Variants in TMEM245 observed in about 807,000 individuals in gnomAD.
The protein encoded by TMEM245 is protein CG-2.
Under a neutral mutation model 101.2 loss-of-function variants are expected in TMEM245, and 69 were observed. The ratio of observed to expected loss-of-function variants is 0.68; its 90% CI spans 0.56 to 0.83. TMEM245 has a LOEUF of 0.83. Among genes scored for constraint, TMEM245 ranks in the 40% least tolerant of loss-of-function variants. The probability of loss-of-function intolerance (pLI) is 0.00; values close to 1 mark genes in which losing one functional copy is unlikely to be tolerated. For synonymous variants in TMEM245, 537 were observed against 449.8 expected (o/e 1.19, Z -2.45); for missense variants, 1,075 against 1,092.8 (o/e 0.98, Z 0.23).
Position 109,015,526 on chromosome 9 carries a change from A to G in TMEM245, c.*4934T>C, listed in dbSNP as rs1046442760. The G allele has an allele frequency of 6.6e-6, 1 of 152,616 alleles. No individual in the cohort carries two copies. The allele number at this position is 152,616 out of a possible 1,614,324, so 9.5% of individuals were successfully genotyped here. ...GGGTCTCTGCAATAAAAAATAAATG[A>G]TATTTGATAATAAGCCAAAATTATC... is the stretch of plus-strand genomic sequence containing the variant. On this transcript the variant is annotated 3_prime_UTR_variant, in exon 18 of 18. Transcript: ENST00000374586.
chr9:109,085,878 T>C (rs1829818168), intron 7 of TMEM245, 119 bp downstream of exon 7: 1 of 1,133,760 alleles, frequency 8.8e-7, no homozygotes, highest in Non-Finnish European at 1.3e-6. Flanking sequence ...TAGCTTATAA[T>C]TAAAACTTTG....
In TMEM245 at chr9:109,079,901, T is replaced by C. The variant is rs143766808; in HGVS notation, c.1449+938A>G. The stretch of plus-strand genomic sequence containing the variant: ...CACAGTATATATACGTGACTATACA[T>C]AATTAATATCCAAAGAACAGATAGG... On this transcript the variant is annotated intron_variant, in intron 8 of 17. Coordinates refer to ENST00000374586, the MANE Select transcript of TMEM245 (RefSeq NM_032012.4). 4.7e-3 allele frequency among the ~76,000 whole-genome samples: 720 copies of C among 152,154 alleles called. 8 individuals are homozygous for C. The highest frequency in any genetic ancestry group is 0.017 in the African/African-American group (688 of 41,526).
intron 14 of TMEM245, among the ~76,000 whole-genome samples, chr9:109,048,488 A>G (rs1828568916): frequency 6.6e-6 from 1 of 152,214 alleles, no homozygotes; most frequent in South Asian, 2.1e-4. Flanking sequence ...AATATTTATT[A>G]AAAGTATGTG....
chr9:109,057,138 TAC>T, intron 12 of TMEM245, 51 bp downstream of exon 12: 12 of 1,585,112 alleles, frequency 7.6e-6, no homozygotes, highest in Admixed American at 1.7e-5. Context: ...AACTTGGAAT[TAC>T]AGTTTGTTTT....
intron 9 of TMEM245, among the ~76,000 whole-genome samples, chr9:109,068,911 T>C (rs557537426): frequency 5.9e-5 from 9 of 152,254 alleles, no homozygotes; most frequent in African/African-American, 2.2e-4. Flanking sequence ...AGGGGTGGCA[T>C]GAGGAAGCCT....
At chr9:109,096,431 C>T (rs1402633645) in intron 3 of TMEM245, among the ~76,000 whole-genome samples, 2 of 152,164 alleles carry the variant, frequency 1.3e-5, no homozygotes, top group Admixed American at 6.5e-5. Flanking sequence ...GAGCCGAGAT[C>T]GTATTATTGA....
chr9:109,059,128 A>C (rs1256726204), intron 11 of TMEM245, among the ~76,000 whole-genome samples: 1 of 152,202 alleles, frequency 6.6e-6, no homozygotes, highest in East Asian at 1.9e-4. Context: ...AGAGTTAGCA[A>C]AAGAAATAGA....
At position 109,048,840 on chromosome 9, in the gene TMEM245, A is replaced by G. The variant is rs574929210; in HGVS notation, c.2123+1443T>C. Among the ~76,000 whole-genome samples the G allele has an allele frequency of 6.9e-4, 105 of 152,362 alleles. 1 individual carries two copies. The South Asian group carries it at 8.9e-3, about 13-fold the overall frequency. ...CAAAGCCTGTAAATACATGGATGCC[A>G]GAAGTCATAACGAAAAAGTTTCTGG... On this transcript the variant is annotated intron_variant, in intron 14 of 17. Coordinates refer to ENST00000374586, the MANE Select transcript of TMEM245 (RefSeq NM_032012.4).
rs1829649871 is a variant in TMEM245 at position 109,080,914 on chromosome 9, A to G, written c.1374T>C (p.Asp458=). The G allele has an allele frequency of 6.2e-7, 1 of 1,608,972 alleles. No homozygotes were observed. Among genetic ancestry groups the G allele is most frequent in the Non-Finnish European group, 8.5e-7 (1 of 1,176,198 alleles). The part of the protein sequence containing the change: ...KMIIWLEKML[D]KIISIFIIFL... ...ATATGATGAAAATGCTAATTATTTT[A>G]TCTAACATCTTCTCCAACCAGATGA... Residue 458 remains aspartate, a synonymous_variant, in exon 8 of 18, where the codon GAT becomes GAC. Transcript: ENST00000374586.
intron 1 of TMEM245, among the ~76,000 whole-genome samples, chr9:109,118,559 G>A (rs892423741): frequency 3.3e-5 from 5 of 152,192 alleles, no homozygotes; most frequent in African/African-American, 4.8e-5. Flanking sequence ...AAGCTCCCTG[G>A]TTTTGTAAGA....
At chr9:109,023,533 C>T (rs1177774139) in intron 17 of TMEM245, among the ~76,000 whole-genome samples, 2 of 152,068 alleles carry the variant, frequency 1.3e-5, no homozygotes, top group East Asian at 1.9e-4. Flanking sequence ...TAGAATTTCT[C>T]GTCTAAGAAT....
chr9:109,074,844 T>C (rs1439766358), intron 8 of TMEM245, among the ~76,000 whole-genome samples: 2 of 152,042 alleles, frequency 1.3e-5, no homozygotes, highest in Non-Finnish European at 2.9e-5. Context: ...GAACACAAAA[T>C]ACAAACTGCA....
intron 3 of TMEM245, among the ~76,000 whole-genome samples, chr9:109,095,456 G>A (rs769173647): frequency 6.6e-6 from 1 of 152,176 alleles, no homozygotes; most frequent in Non-Finnish European, 1.5e-5. Flanking sequence ...GCTGTGAGAA[G>A]AACCCGGCAT....
chr9:109,097,801 A>G (rs1830180104), intron 3 of TMEM245, among the ~76,000 whole-genome samples: 1 of 152,096 alleles, frequency 6.6e-6, no homozygotes, highest in African/African-American at 2.4e-5. Flanking sequence ...CATGCTTGTA[A>G]TCCCAGCTAC....
In TMEM245 at chr9:109,080,868, G is replaced by T; in HGVS notation, c.1420C>A (p.Leu474Ile). 6.2e-7 allele frequency: 1 copy of T among 1,606,332 alleles called. No homozygotes were observed. Among genetic ancestry groups the T allele is most frequent in the Non-Finnish European group, 8.5e-7 (1 of 1,173,638 alleles). ...GCAGTCAGGAGTAGGGCTAAAAGAA[G>T]AGTTCCTATCACTAACAAAAATATG... ...FIIFLLVIGT[L>I]LLALLLTAKV... The change falls in exon 8 of 18, where the codon CTT (leucine) becomes ATT (isoleucine). Residue 474 changes from leucine (L) to isoleucine (I), a missense_variant. Physicochemically the swap from Leu to Ile is conservative, Grantham distance 5. Transcript: ENST00000374586.
intron 12 of TMEM245, among the ~76,000 whole-genome samples, chr9:109,055,413 C>T (rs2132410989): frequency 6.6e-6 from 1 of 152,272 alleles, no homozygotes; most frequent in East Asian, 1.9e-4. Flanking sequence ...TAGTGTTGCA[C>T]TCTTAAAAAG....
At position 109,080,756 on chromosome 9, in the gene TMEM245, GCC is replaced by G. The variant is rs148652343; in HGVS notation, c.1449+81_1449+82del. 7,099 of 813,782 alleles carry G rather than the reference GCC, an allele frequency of 8.7e-3. 391 individuals are homozygous for G. In the African/African-American group the frequency reaches 0.11, roughly 13 times the overall value. The allele number at this position is 813,782 out of a possible 1,614,324, so 50.4% of individuals were successfully genotyped here. On this transcript the variant is annotated intron_variant, in intron 8 of 17. Coordinates refer to ENST00000374586, the MANE Select transcript of TMEM245 (RefSeq NM_032012.4). ...TTTAAATCAAGTTAACATTTTCCAT[GCC>G]CCTTCTGCTAGCTTTTAATCCAGAC...
intron 1 of TMEM245, among the ~76,000 whole-genome samples, chr9:109,112,106 G>A (rs1419834479): frequency 6.6e-6 from 1 of 151,962 alleles, no homozygotes; most frequent in South Asian, 2.1e-4. Context: ...AGCCCATTAT[G>A]ATTATACAAT....
chr9:109,018,476 C>A lies in TMEM245; in HGVS notation c.*1984G>T, dbSNP rs1331717411. The A allele has an allele frequency of 3.9e-5, 6 of 152,052 alleles. No homozygotes were observed. Among genetic ancestry groups the A allele is most frequent in the Non-Finnish European group, 8.8e-5 (6 of 68,016 alleles). The allele number at this position is 152,052 out of a possible 1,614,324, so 9.4% of individuals were successfully genotyped here. A position where few individuals can be genotyped will look rare whatever the true frequency, so the allele number is the denominator to read the frequency against. On this transcript the variant is annotated 3_prime_UTR_variant, in exon 18 of 18. Transcript: ENST00000374586. ...TTACTTAGTGACCAAATCTAATACT[C>A]AGTGGAATAGCTGATTATAATCGCT...
Sources: gnomAD v4.1 joint callset for allele counts (sites outside exome capture counted in the v4.1 genomes callset) on GRCh38, gnomAD v4.1.1 for gene constraint, MANE v1.5 for transcripts, NCBI Gene and HGNC (gene_info 2026-07-23, HGNC 2026-07-21) for gene names.